SEMA4C: variants seen among roughly 807,000 people sequenced by gnomAD.
SEMA4C encodes semaphorin-4C.
In SEMA4C, 19 loss-of-function variants were observed where a neutral mutation model predicts 89.0. That is an observed-to-expected ratio of 0.21 (90% confidence interval 0.15 to 0.31). The LOEUF (loss-of-function observed/expected upper bound fraction) is 0.31, where lower values mean the gene tolerates loss of function less well. Ranked by LOEUF, SEMA4C falls within the 10% of genes least tolerant of loss-of-function variation. The pLI is 1.00. For missense variants in SEMA4C, 811 were observed against 1,107.0 expected (o/e 0.73, Z 3.79); for synonymous variants, 428 against 472.7 (o/e 0.91, Z 1.23).
chr2:96,863,451 G>A lies in SEMA4C; in HGVS notation c.1443+231C>T. The A allele has an allele frequency of 3.8e-6, 5 of 1,312,766 alleles. No individual in the cohort carries two copies. The South Asian group carries it at 8.8e-5, about 23-fold the overall frequency. 81.3% of individuals were successfully genotyped at this position (1,312,766 alleles called of 1,614,324 possible). On this transcript the variant is annotated intron_variant, in intron 12 of 14. Coordinates refer to ENST00000305476, the MANE Select transcript of SEMA4C (RefSeq NM_017789.5). ...GCCAAGGCTTGATGCTGGGAGCGCA[G>A]CCCCGTGACCTGGCTATATATAATG...
chr2:96,869,885 G>T lies in SEMA4C; in HGVS notation c.-47C>A. ...GCCCGGCCTCGCTCACCTATTGCGC[G>T]CAGCTCCAGTCCCCGGGCGCCGCCC... On this transcript the variant is annotated 5_prime_UTR_variant, in exon 1 of 15. Coordinates refer to ENST00000305476, the MANE Select transcript of SEMA4C (RefSeq NM_017789.5). The T allele has an allele frequency of 1.0e-6, 1 of 985,986 alleles. No individual in the cohort carries two copies. Among genetic ancestry groups the T allele is most frequent in the Non-Finnish European group, 1.2e-6 (1 of 830,154 alleles). The allele number at this position is 985,986 out of a possible 1,614,324, so 61.1% of individuals were successfully genotyped here.
In SEMA4C at chr2:96,860,589, C is replaced by T. The variant is rs765246789; in HGVS notation, c.*37G>A. Reference sequence around the variant, plus strand: ...TGCCTGTGCAAAAGTAGGAGCTACACCTCCCACGCTTCCCGCCGACGCGGT... The same window carrying T: ...TGCCTGTGCAAAAGTAGGAGCTACATCTCCCACGCTTCCCGCCGACGCGGT... On this transcript the variant is annotated 3_prime_UTR_variant, in exon 15 of 15. Transcript: ENST00000305476. The T allele has an allele frequency of 1.5e-5, 23 of 1,545,058 alleles. 1 individual carries two copies. The East Asian group carries it at 4.5e-4, about 30-fold the overall frequency.
In SEMA4C at chr2:96,864,155, G is replaced by A; in HGVS notation, c.1108-7C>T. ...GATGCCAGTTGTTAATGCACTGGGG[G>A]CAGGGTGTGGGGGGCAGGCCATCAG... On this transcript the variant is annotated splice_polypyrimidine_tract_variant and splice_region_variant and intron_variant, in intron 10 of 14. Transcript: ENST00000305476. This position sits in a 1 kb window ranked among gnomAD's most constrained non-coding sequence, Gnocchi z 6.3. 1 of 1,612,818 alleles carries A rather than the reference G, an allele frequency of 6.2e-7. No homozygotes were observed. Among genetic ancestry groups the A allele is most frequent in the Non-Finnish European group, 8.5e-7 (1 of 1,179,948 alleles).
At chr2:96,863,351 G>C (rs1382065726) in intron 12 of SEMA4C, 2 of 1,094,298 alleles carry the variant, frequency 1.8e-6, no homozygotes, top group Non-Finnish European at 2.2e-6. Context: ...TGGTCACAGG[G>C]GCATGGTCAG....
rs751498407 is a variant in SEMA4C, at chr2:96,861,412, G to C, written c.1716C>G (p.Asp572Glu). The change falls in exon 15 of 15, where the codon GAC becomes GAG. Residue 572 changes from aspartate to glutamate, a missense_variant. Around this residue, in one of 4 missense-constraint regions of SEMA4C, gnomAD observed 441 missense variants for 664.9 expected, o/e 0.66. Transcript: ENST00000305476. This position sits in a 1 kb window ranked among gnomAD's most constrained non-coding sequence, Gnocchi z 7.8. The part of the protein sequence containing the change: ...PKNITVVAGT[D>E]LVLPCHLSSN... Reference sequence around the variant, plus strand: ...AGGAGAGGTGGCAGGGCAGCACCAGGTCTGTGCCCGCCACCACCGTGATGT... The same window carrying C: ...AGGAGAGGTGGCAGGGCAGCACCAGCTCTGTGCCCGCCACCACCGTGATGT... The C allele has an allele frequency of 6.2e-7, 1 of 1,611,202 alleles. No individual in the cohort carries two copies. Among genetic ancestry groups the C allele is most frequent in the South Asian group, 1.1e-5 (1 of 91,088 alleles).
intron 1 of SEMA4C, chr2:96,869,153 C>A (rs961461525): frequency 2.0e-6 from 2 of 985,306 alleles, no homozygotes; most frequent in South Asian, 4.7e-5. Flanking sequence ...GACCAGCCCC[C>A]CAAAACGCCC....
At chr2:96,868,930 G>A in intron 1 of SEMA4C, 7 of 985,400 alleles carry the variant, frequency 7.1e-6, no homozygotes, top group Non-Finnish European at 8.4e-6. Context: ...TCCCGTGCCA[G>A]GGGCGGAGAC....
chr2:96,870,526 T>C (rs553155448), upstream of SEMA4C: 1 of 984,150 alleles, frequency 1.0e-6, no homozygotes, highest in South Asian at 4.7e-5. Flanking sequence ...GAGGCGTCTT[T>C]TGGGGCGGAC....
intron 1 of SEMA4C, chr2:96,868,708 C>A: frequency 1.0e-6 from 1 of 982,158 alleles, no homozygotes; most frequent in Non-Finnish European, 1.2e-6. Context: ...GAGCTCGGGT[C>A]GAGTCGGGGA....
intron 12 of SEMA4C, chr2:96,862,098 C>T: frequency 1.6e-6 from 1 of 607,896 alleles, no homozygotes; most frequent in Non-Finnish European, 2.9e-6. Context: ...AGGGCTTACA[C>T]AGGCCAGATG....
chr2:96,866,541 C>T (rs1373744015), intron 2 of SEMA4C, 110 bp from the exon 3 acceptor site: 2 of 1,446,586 alleles, frequency 1.4e-6, no homozygotes, highest in Non-Finnish European at 1.9e-6. Flanking sequence ...GCCAGCCAAA[C>T]CCCCTGATTG....
intron 2 of SEMA4C, among the ~76,000 whole-genome samples, chr2:96,867,393 A>G (rs373574040): frequency 1.2e-4 from 19 of 152,278 alleles, no homozygotes; most frequent in African/African-American, 4.6e-4. Context: ...TTCCAGGGCC[A>G]CCAGAGTGTA....
upstream of SEMA4C, chr2:96,870,130 G>T (rs1050394817): frequency 6.8e-5 from 66 of 971,750 alleles, no homozygotes; most frequent in Middle Eastern, 5.3e-4. Flanking sequence ...AGGCTGGGGG[G>T]GTCGAGCGGA....
intron 12 of SEMA4C, chr2:96,862,187 C>A: frequency 2.4e-6 from 1 of 421,830 alleles, no homozygotes; most frequent in Non-Finnish European, 4.3e-6. Context: ...TAATCACACA[C>A]ACTCACACAC....
In SEMA4C at chr2:96,864,880, C is replaced by G. The variant is rs2080033413; in HGVS notation, c.787G>C (p.Gly263Arg). 1 of 1,612,662 alleles carries G rather than the reference C, an allele frequency of 6.2e-7. No homozygotes were observed. The highest frequency in any genetic ancestry group is 8.5e-7 in the Non-Finnish European group (1 of 1,179,484). ...VVARVARVCK[G>R]DMGGARTLQR... ...AGGGTCCGTGCGCCCCCCATATCGC[C>G]CTGGCAGACGGCAAGGGGACACTGC... The change falls in exon 9 of 15, where the codon GGC becomes CGC. Residue 263 changes from glycine (G) to arginine (R), a missense_variant and splice_region_variant. Physicochemically the swap from Gly to Arg is moderately radical, Grantham distance 125 (BLOSUM62 -2). Coordinates refer to ENST00000305476, the MANE Select transcript of SEMA4C (RefSeq NM_017789.5). The surrounding 1 kb of genome is among the most constrained non-coding windows in gnomAD (Gnocchi z 6.3).
Position 96,864,660 on chromosome 2 carries a change from G to T in SEMA4C, c.962+45C>A. The T allele has an allele frequency of 6.4e-7, 1 of 1,568,282 alleles. No homozygotes were observed. Among genetic ancestry groups the T allele is most frequent in the South Asian group, 1.2e-5 (1 of 83,830 alleles). On this transcript the variant is annotated intron_variant, in intron 9 of 14. Coordinates refer to ENST00000305476, the MANE Select transcript of SEMA4C (RefSeq NM_017789.5). This position sits in a 1 kb window ranked among gnomAD's most constrained non-coding sequence, Gnocchi z 6.3. ...CCCACCCATGCACCGTCCCTGACCT[G>T]AACCCCAGCTCCTCCCCACTCTGTG...
At chr2:96,870,410 G>T (rs1031850428), upstream of SEMA4C, 1 of 904,308 alleles carries the variant, frequency 1.1e-6, no homozygotes, top group African/African-American at 1.8e-5. Flanking sequence ...CGAAGACTCC[G>T]GGCGGGCTGG....
intron 1 of SEMA4C, chr2:96,868,458 T>G: frequency 1.0e-6 from 1 of 995,442 alleles, no homozygotes; most frequent in Non-Finnish European, 1.2e-6. Flanking sequence ...TCCCGGCCTG[T>G]CCCCTTCCCC....
intron 2 of SEMA4C, 69 bp downstream of exon 2, chr2:96,867,709 C>A (rs1170965960): frequency 6.9e-7 from 1 of 1,452,552 alleles, no homozygotes; most frequent in Non-Finnish European, 9.6e-7. Flanking sequence ...AGAATAAAGC[C>A]AGCACACTAT....
Sources: allele counts gnomAD v4.1 joint callset (sites outside exome capture counted in the v4.1 genomes callset), GRCh38; gene constraint gnomAD v4.1.1; regional missense constraint gnomAD v4.1.1; non-coding constraint Gnocchi (gnomAD v3.1); transcripts MANE v1.5; gene names NCBI Gene and HGNC (gene_info 2026-07-23, HGNC 2026-07-21).